CHN2: variants seen among roughly 807,000 people sequenced by gnomAD.
CHN2 encodes beta-chimaerin.
Under a neutral mutation model 56.3 loss-of-function variants are expected in CHN2, and 35 were observed. That is an observed-to-expected ratio of 0.62 (90% CI 0.47 to 0.82). The LOEUF (loss-of-function observed/expected upper bound fraction) is 0.82. CHN2 is among the 40% of genes least tolerant of loss of function. The pLI is 0.00. For synonymous variants in CHN2, 210 were observed against 212.8 expected, an observed-to-expected ratio of 0.99 and a Z score of 0.12; for missense variants, 491 against 580.5, an observed-to-expected ratio of 0.85 and a Z score of 1.58.
In CHN2 at chr7:29,476,647, G is replaced by A. The variant is rs368532392; in HGVS notation, c.577-3632G>A. On this transcript the variant is annotated intron_variant, in intron 6 of 12. Coordinates refer to ENST00000222792, the MANE Select transcript of CHN2 (RefSeq NM_004067.4). ...GCATGATATAAATATTAATATTTGT[G>A]TTATTAATTTAGCCCAGTATTCTCA... is the stretch of plus-strand genomic sequence containing the variant. Among the ~76,000 whole-genome samples the A allele has an allele frequency of 2.6e-5, 4 of 152,160 alleles. No homozygotes were observed. The East Asian group carries it at 5.8e-4, about 22-fold the overall frequency.
intron 6 of CHN2, among the ~76,000 whole-genome samples, chr7:29,421,876 G>A (rs1162044090): frequency 9.9e-5 from 15 of 152,176 alleles, no homozygotes; most frequent in Admixed American, 8.5e-4. Context: ...CAGAGGGGAA[G>A]ATTTAAGGGA....
At chr7:29,511,565 G>A (rs900982301) in intron 12 of CHN2, among the ~76,000 whole-genome samples, 35 of 152,090 alleles carry the variant, frequency 2.3e-4, no homozygotes, top group Non-Finnish European at 4.6e-4. Context: ...GGTGAGAAAC[G>A]TCCTCTTTCC....
At chr7:29,234,219 GTA>G (rs1343594561) in intron 1 of CHN2, among the ~76,000 whole-genome samples, 2 of 151,992 alleles carry the variant, frequency 1.3e-5, no homozygotes, top group Non-Finnish European at 2.9e-5. Context: ...AAGCCACCAA[GTA>G]TATGGTAATT....
chr7:29,258,612 TA>T (rs1789266610), intron 1 of CHN2, among the ~76,000 whole-genome samples: 1 of 152,202 alleles, frequency 6.6e-6, no homozygotes, highest in Non-Finnish European at 1.5e-5. Context: ...CACTTCTGAG[TA>T]GTGAAATGAA....
At chr7:29,244,473 T>G (rs1326814842) in intron 1 of CHN2, among the ~76,000 whole-genome samples, 2 of 152,264 alleles carry the variant, frequency 1.3e-5, no homozygotes, top group Non-Finnish European at 2.9e-5. Flanking sequence ...GCTTCAAGGC[T>G]GATAGGTTTC....
In CHN2 at chr7:29,242,785, A is replaced by AAG. The variant is rs1365346035; in HGVS notation, c.49+47795_49+47796insAG. Among the ~76,000 whole-genome samples, 3 of 146,036 alleles carry AAG rather than the reference A, an allele frequency of 2.1e-5. No homozygotes were observed. The Admixed American group carries it at 2.1e-4, about 10-fold the overall frequency. On this transcript the variant is annotated intron_variant, in intron 1 of 12. Coordinates refer to ENST00000222792, the MANE Select transcript of CHN2 (RefSeq NM_004067.4). The stretch of plus-strand genomic sequence containing the variant: ...AAAAAAAAAAAAAAAAAAAAAAAAA[A>AAG]GGACAGGAAGAAAAGTGAAAGATTC...
In CHN2 at chr7:29,512,948, G is replaced by A. The variant is rs1791664242; in HGVS notation, c.*213G>A. 2 of 462,582 alleles carry A rather than the reference G, an allele frequency of 4.3e-6. No individual in the cohort carries two copies. The highest frequency in any genetic ancestry group is 7.7e-5 in the Admixed American group (2 of 25,952). The allele number at this position is 462,582 out of a possible 1,614,324, so 28.7% of individuals were successfully genotyped here. ...AAGGTGAGGGAAGCCCCTCACCTTGGGTCTTTTGCTGTGCCTCCTATGTAT... is the reference window on the plus strand; with the variant it reads ...AAGGTGAGGGAAGCCCCTCACCTTGAGTCTTTTGCTGTGCCTCCTATGTAT... On this transcript the variant is annotated 3_prime_UTR_variant, in exon 13 of 13. Transcript: ENST00000222792.
At chr7:29,314,351 G>T (rs1490545068) in intron 1 of CHN2, among the ~76,000 whole-genome samples, 1 of 152,152 alleles carries the variant, frequency 6.6e-6, no homozygotes, top group African/African-American at 2.4e-5. Flanking sequence ...ACAAATAGAG[G>T]AAGTGGAATG....
intron 7 of CHN2, among the ~76,000 whole-genome samples, chr7:29,493,820 C>T (rs1399968333): frequency 6.6e-6 from 1 of 152,166 alleles, no homozygotes; most frequent in Non-Finnish European, 1.5e-5. Flanking sequence ...CATATCTATT[C>T]CACTATTAAC....
At chr7:29,492,484 A>C (rs938975576) in intron 7 of CHN2, among the ~76,000 whole-genome samples, 8 of 149,748 alleles carry the variant, frequency 5.3e-5, no homozygotes, top group African/African-American at 2.0e-4. Context: ...GATACCCTAA[A>C]CTCCATCATT....
intron 1 of CHN2, 167 bp downstream of exon 1, chr7:29,195,157 C>A: frequency 1.7e-6 from 1 of 596,732 alleles, no homozygotes; most frequent in Non-Finnish European, 2.7e-6. Flanking sequence ...CACCTCGGTG[C>A]CCAGAGCACC....
At chr7:29,412,651 G>A (rs1447081940) in intron 6 of CHN2, among the ~76,000 whole-genome samples, 1 of 152,076 alleles carries the variant, frequency 6.6e-6, no homozygotes, top group South Asian at 2.1e-4. Context: ...TAATGAACCT[G>A]GTAAACCAGA....
rs181772900 is a variant in CHN2 at position 29,361,532 on chromosome 7, C to T, written c.89-6400C>T. On this transcript the variant is annotated intron_variant, in intron 2 of 12. Transcript: ENST00000222792. ...GTCATCAAATAATGATGTCTACTGC[C>T]GAGGGGCCAGGAGAGAGAGGTGGCA... 3.4e-3 allele frequency among the ~76,000 whole-genome samples: 514 copies of T among 152,232 alleles called. 4 individuals carry two copies. Among genetic ancestry groups the T allele is most frequent in the African/African-American group, 0.012 (496 of 41,530 alleles).
chr7:29,287,934 A>T (rs1206499639), intron 1 of CHN2, among the ~76,000 whole-genome samples: 1 of 152,210 alleles, frequency 6.6e-6, no homozygotes, highest in African/African-American at 2.4e-5. Flanking sequence ...GCATGTCTTT[A>T]AAAAATACTG....
intron 1 of CHN2, among the ~76,000 whole-genome samples, chr7:29,293,427 G>T (rs1237544746): frequency 7.6e-6 from 1 of 131,056 alleles, no homozygotes; most frequent in African/African-American, 2.9e-5. Context: ...TGGCTTTTCA[G>T]CCACGCTTGC....
intron 2 of CHN2, among the ~76,000 whole-genome samples, chr7:29,163,950 G>C (rs1289798693): frequency 1.3e-5 from 2 of 152,184 alleles, no homozygotes; most frequent in African/African-American, 4.8e-5. Context: ...CCCAGCTTTT[G>C]ACTATTACAA....
chr7:29,304,286 G>A (rs910000407), intron 1 of CHN2, among the ~76,000 whole-genome samples: 7 of 152,194 alleles, frequency 4.6e-5, no homozygotes, highest in Admixed American at 1.3e-4. Flanking sequence ...GATTGCTGAA[G>A]CCTAATCCTT....
rs116149866 is a variant in CHN2 at position 29,299,808 on chromosome 7, G to A, written c.50-54817G>A. Among the ~76,000 whole-genome samples the A allele has an allele frequency of 6.9e-3, 1,057 of 152,280 alleles. 12 individuals carry two copies. The highest frequency in any genetic ancestry group is 0.024 in the African/African-American group (1,005 of 41,550). On this transcript the variant is annotated intron_variant, in intron 1 of 12. Transcript: ENST00000222792. ...ACACAAATAACTGATGATGTAGAAA[G>A]CATTTTAAGAAACAAGTAGACAACT... is the stretch of plus-strand genomic sequence containing the variant.
intron 7 of CHN2, among the ~76,000 whole-genome samples, chr7:29,481,664 T>TG (rs1399018089): frequency 1.3e-5 from 2 of 151,800 alleles, no homozygotes; most frequent in South Asian, 2.1e-4. Context: ...TCCCGTTTTT[T>TG]TTTTTTTTTT....
Sources: allele counts gnomAD v4.1 joint callset (sites outside exome capture counted in the v4.1 genomes callset), GRCh38; gene constraint gnomAD v4.1.1; transcripts MANE v1.5; gene names NCBI Gene and HGNC (gene_info 2026-07-23, HGNC 2026-07-21).